The following WWTR1 variants were observed in gnomAD, a reference collection of about 807,000 sequenced individuals.
WWTR1 encodes WW domain-containing transcription regulator protein 1.
WWTR1 carries 13 observed loss-of-function variants against 40.1 expected under a neutral mutation model. The ratio of observed to expected loss-of-function variants is 0.32; its 90% CI spans 0.21 to 0.52. The LOEUF is 0.52. Ranked by LOEUF, WWTR1 falls within the 20% of genes least tolerant of loss-of-function variation. WWTR1 has a pLI of 0.97. For missense variants in WWTR1, 436 were observed against 523.1 expected (o/e 0.83, Z 1.63); for synonymous variants, 230 against 210.1 (o/e 1.09, Z -0.82).
chr3:149,602,243 CT>C (rs537209518), intron 2 of WWTR1, among the ~76,000 whole-genome samples: 110 of 152,300 alleles, frequency 7.2e-4, no homozygotes, highest in African/African-American at 2.5e-3. Context: ...AATTTTCCGT[CT>C]GCAGAGTCAT....
chr3:149,550,039 G>A (rs1014648664), intron 3 of WWTR1, among the ~76,000 whole-genome samples: 4 of 152,186 alleles, frequency 2.6e-5, no homozygotes, highest in African/African-American at 9.7e-5. Context: ...GAAACTGGGT[G>A]AGTGAGTGTA....
intron 1 of WWTR1, among the ~76,000 whole-genome samples, chr3:149,688,503 C>T (rs1714721662): frequency 6.6e-6 from 1 of 152,144 alleles, no homozygotes; most frequent in Non-Finnish European, 1.5e-5. Context: ...AGGGAATCCT[C>T]CCAGTTCTTA....
At chr3:149,720,270 G>A (rs1033148808) in intron 4 of WWTR1, among the ~76,000 whole-genome samples, 4 of 152,024 alleles carry the variant, frequency 2.6e-5, no homozygotes, top group African/African-American at 9.7e-5. Flanking sequence ...TTTAGGCCAT[G>A]GATCTACTTT....
intron 2 of WWTR1, among the ~76,000 whole-genome samples, chr3:149,617,525 C>A: frequency 6.6e-6 from 1 of 152,184 alleles, no homozygotes; most frequent in Non-Finnish European, 1.5e-5. Context: ...TCAGGCCAGG[C>A]GCAGTGGCTC....
chr3:149,526,852 G>T (rs2107907060), intron 5 of WWTR1, among the ~76,000 whole-genome samples: 1 of 152,276 alleles, frequency 6.6e-6, no homozygotes, highest in African/African-American at 2.4e-5. Context: ...ATACAGAATT[G>T]CCCTTTTTAT....
intron 2 of WWTR1, among the ~76,000 whole-genome samples, chr3:149,581,309 A>G (rs1050326534): frequency 2.6e-5 from 4 of 152,066 alleles, no homozygotes; most frequent in Admixed American, 2.0e-4. Context: ...TGACACATCT[A>G]TTAGCAAAGC....
At chr3:149,529,286 C>A (rs960256225) in intron 4 of WWTR1, among the ~76,000 whole-genome samples, 1 of 152,120 alleles carries the variant, frequency 6.6e-6, no homozygotes, top group Non-Finnish European at 1.5e-5. Flanking sequence ...TCTCTTCCAG[C>A]CCTAACATGA....
chr3:149,649,639 G>A (rs1392872153), intron 2 of WWTR1, among the ~76,000 whole-genome samples: 3 of 152,300 alleles, frequency 2.0e-5, no homozygotes, highest in African/African-American at 4.8e-5. Context: ...TATGACCGCC[G>A]GGTGCAGTGG....
At chr3:149,635,491 A>G (rs1711768262) in intron 2 of WWTR1, among the ~76,000 whole-genome samples, 1 of 151,860 alleles carries the variant, frequency 6.6e-6, no homozygotes, top group South Asian at 2.1e-4. Context: ...GGTACAATAT[A>G]TAGAAGGAGA....
At chr3:149,653,289 T>C (rs962559680) in intron 2 of WWTR1, among the ~76,000 whole-genome samples, 5 of 152,224 alleles carry the variant, frequency 3.3e-5, no homozygotes, top group Admixed American at 2.0e-4. Context: ...AAAAATTTAA[T>C]GTGATCAGTA....
At chr3:149,711,856 C>T (rs1209222600) in intron 5 of WWTR1, among the ~76,000 whole-genome samples, 1 of 152,164 alleles carries the variant, frequency 6.6e-6, no homozygotes, top group Non-Finnish European at 1.5e-5. Flanking sequence ...AAAGATGCTC[C>T]TTGGTTACTC....
rs554737147 is a variant in WWTR1 at position 149,716,518 on chromosome 3, C to A, written n.584+924G>T. Among the ~76,000 whole-genome samples, 17 of 152,098 alleles carry A rather than the reference C, an allele frequency of 1.1e-4. No individual in the cohort carries two copies. The South Asian group carries it at 1.9e-3, about 17-fold the overall frequency. ...AAAACAATCCTACAAAATTTGAAAA[C>A]TACTCTGAATATACTGTGATTGAGG... On this transcript the variant is annotated intron_variant and non_coding_transcript_variant, in intron 5 of 6. Coordinates refer to the WWTR1 transcript ENST00000474080.
At chr3:149,679,936 C>T (rs1714400639) in intron 1 of WWTR1, among the ~76,000 whole-genome samples, 1 of 152,136 alleles carries the variant, frequency 6.6e-6, no homozygotes, top group Non-Finnish European at 1.5e-5. Flanking sequence ...TTTCTTTGCC[C>T]CAAGAAATTC....
chr3:149,532,027 C>T (rs911724554), intron 4 of WWTR1, among the ~76,000 whole-genome samples: 1 of 152,180 alleles, frequency 6.6e-6, no homozygotes, highest in African/African-American at 2.4e-5. Context: ...ATAGGATGAA[C>T]AGGAGGGCCG....
intron 1 of WWTR1, among the ~76,000 whole-genome samples, chr3:149,671,702 C>CT (rs1276228397): frequency 2.6e-5 from 4 of 152,058 alleles, no homozygotes; most frequent in Admixed American, 2.6e-4. Flanking sequence ...CAAATGAGCT[C>CT]TTTTTTAACA....
chr3:149,599,292 C>T (rs937742994), intron 2 of WWTR1, among the ~76,000 whole-genome samples: 1 of 152,148 alleles, frequency 6.6e-6, no homozygotes, highest in Non-Finnish European at 1.5e-5. Flanking sequence ...CTTATGGTTC[C>T]CATGGCCCAT....
intron 1 of WWTR1, among the ~76,000 whole-genome samples, chr3:149,677,915 A>G (rs1215522890): frequency 1.3e-5 from 2 of 149,984 alleles, no homozygotes; most frequent in Admixed American, 6.6e-5. Flanking sequence ...GGTGCCTGCC[A>G]CCACACCCAG....
intron 2 of WWTR1, among the ~76,000 whole-genome samples, chr3:149,600,937 GC>G (rs533136359): frequency 1.3e-5 from 2 of 152,054 alleles, no homozygotes; most frequent in Non-Finnish European, 2.9e-5. Flanking sequence ...ATGTGGGTGA[GC>G]CCCCTTGAAA....
rs542981015 is a variant in WWTR1, at chr3:149,684,688, C to T, written c.-107-14797G>A. Among the ~76,000 whole-genome samples, 7 of 152,222 alleles carry T rather than the reference C, an allele frequency of 4.6e-5. 1 individual carries two copies. Among genetic ancestry groups the T allele is most frequent in the Admixed American group, 2.6e-4 (4 of 15,286 alleles). On this transcript the variant is annotated intron_variant, in intron 1 of 7. Transcript: ENST00000465804. ...AAGAAATCCTCCCACCTCAGCCACT[C>T]GAGTAGCTGGGACTATAGTTGTGTG... is the stretch of plus-strand genomic sequence containing the variant.
Sources: gnomAD v4.1 joint callset for allele counts (sites outside exome capture counted in the v4.1 genomes callset) on GRCh38, gnomAD v4.1.1 for gene constraint, MANE v1.5 for transcripts, NCBI Gene and HGNC (gene_info 2026-07-23, HGNC 2026-07-21) for gene names.